The following DLG2 variants were observed in gnomAD, a reference collection of about 807,000 sequenced individuals.
DLG2 encodes disks large homolog 2.
A neutral mutation model predicts 132.5 loss-of-function variants in DLG2; 45 were observed. The ratio of observed to expected loss-of-function variants is 0.34; its 90% CI spans 0.27 to 0.44. The LOEUF is 0.44. DLG2 is among the 20% of genes least tolerant of loss of function. The pLI is 1.00. For synonymous variants in DLG2, 424 were observed against 419.6 expected (o/e 1.01, Z -0.13); for missense variants, 1,045 against 1,196.9 (o/e 0.87, Z 1.87).
Position 84,365,427 on chromosome 11 carries a change from G to A in DLG2, c.520-114136C>T, listed in dbSNP as rs189094373. ...TTTTTTTTTAATTAGTCTTGCTAGC[G>A]GTCTATCAATTTTGTTGATCTTTTC... is the stretch of plus-strand genomic sequence containing the variant. On this transcript the variant is annotated intron_variant, in intron 7 of 27. Coordinates refer to ENST00000376104, the MANE Select transcript of DLG2 (RefSeq NM_001142699.3). Among the ~76,000 whole-genome samples the A allele has an allele frequency of 8.6e-3, 1,299 of 151,456 alleles. 38 individuals are homozygous for A. The highest frequency in any genetic ancestry group is 0.061 in the Admixed American group (932 of 15,182).
At chr11:84,320,760 C>G (rs896312613) in intron 7 of DLG2, among the ~76,000 whole-genome samples, 2 of 152,054 alleles carry the variant, frequency 1.3e-5, no homozygotes, top group East Asian at 1.9e-4. Flanking sequence ...AAGATTTAAC[C>G]AAAACAGAGG....
intron 18 of DLG2, among the ~76,000 whole-genome samples, chr11:83,737,022 T>C (rs909464521): frequency 3.3e-5 from 5 of 152,192 alleles, no homozygotes; most frequent in African/African-American, 7.2e-5. Flanking sequence ...AAATAAACTA[T>C]GTATACAAAA....
rs1426474448 is a variant in DLG2 at position 85,121,638 on chromosome 11, T to C, written c.283-9903A>G. 1.3e-5 allele frequency among the ~76,000 whole-genome samples: 2 copies of C among 152,060 alleles called. 1 individual carries two copies. Among genetic ancestry groups the C allele is most frequent in the Admixed American group, 1.3e-4 (2 of 15,262 alleles). ...TATCATAGATGTGATTCAATTGCCATTTTCCAGGTGTATATAAGGAATTTT... is the reference window on the plus strand; with the variant it reads ...TATCATAGATGTGATTCAATTGCCACTTTCCAGGTGTATATAAGGAATTTT... On this transcript the variant is annotated intron_variant, in intron 5 of 27. Transcript: ENST00000376104.
chr11:83,713,746 A>G (rs1440657556), intron 18 of DLG2, among the ~76,000 whole-genome samples: 1 of 152,246 alleles, frequency 6.6e-6, no homozygotes, highest in African/African-American at 2.4e-5. Context: ...CTCTCTTCAC[A>G]CTACTGCACT....
chr11:83,648,365 G>A (rs2068903763), intron 18 of DLG2, among the ~76,000 whole-genome samples: 3 of 152,056 alleles, frequency 2.0e-5, no homozygotes. Flanking sequence ...AGAGAAAAGG[G>A]AGCAGCTACA....
chr11:85,330,912 G>A (rs2152839299), intron 3 of DLG2, among the ~76,000 whole-genome samples: 1 of 151,374 alleles, frequency 6.6e-6, no homozygotes, highest in South Asian at 2.1e-4. Context: ...TTCCCACAAT[G>A]TGGAAAGTGA....
At chr11:85,321,086 T>G (rs1481139893) in intron 3 of DLG2, among the ~76,000 whole-genome samples, 1 of 151,800 alleles carries the variant, frequency 6.6e-6, no homozygotes, top group Non-Finnish European at 1.5e-5. Context: ...GCACTCTAGG[T>G]AAGAGATGAT....
At chr11:84,448,710 A>C (rs532598012) in intron 7 of DLG2, among the ~76,000 whole-genome samples, 9 of 152,212 alleles carry the variant, frequency 5.9e-5, no homozygotes, top group South Asian at 2.1e-4. Flanking sequence ...TACTTTGTAC[A>C]TAACTCAGAT....
intron 6 of DLG2, among the ~76,000 whole-genome samples, chr11:84,849,451 C>A (rs1217914879): frequency 6.6e-6 from 1 of 152,112 alleles, no homozygotes; most frequent in Non-Finnish European, 1.5e-5. Context: ...ACATATACAA[C>A]CTCATCTTTT....
chr11:85,528,149 A>C (rs570935505), intron 3 of DLG2, among the ~76,000 whole-genome samples: 1 of 152,296 alleles, frequency 6.6e-6, no homozygotes, highest in Non-Finnish European at 1.5e-5. Context: ...GTTCACTTTC[A>C]TGACAGTTTC....
At chr11:85,358,639 T>C (rs1234991430) in intron 3 of DLG2, among the ~76,000 whole-genome samples, 1 of 152,232 alleles carries the variant, frequency 6.6e-6, no homozygotes, top group Non-Finnish European at 1.5e-5. Context: ...CTTGCAGTGT[T>C]CCAAATTGCT....
intron 6 of DLG2, among the ~76,000 whole-genome samples, chr11:84,694,940 A>G (rs1185493822): frequency 6.6e-6 from 1 of 151,604 alleles, no homozygotes; most frequent in Non-Finnish European, 1.5e-5. Flanking sequence ...GCAATTTATT[A>G]ACAGTTAACA....
chr11:85,611,474 G>A (rs1322862592), intron 2 of DLG2, among the ~76,000 whole-genome samples: 3 of 152,188 alleles, frequency 2.0e-5, no homozygotes, highest in Non-Finnish European at 4.4e-5. Flanking sequence ...CCAAACTTAT[G>A]CCGCCCGAGA....
At chr11:83,710,786 C>A (rs1050309754) in intron 18 of DLG2, among the ~76,000 whole-genome samples, 1 of 151,684 alleles carries the variant, frequency 6.6e-6, no homozygotes, top group African/African-American at 2.4e-5. Context: ...TTTCTAGTAG[C>A]GAGAAGAAGC....
chr11:84,312,996 G>C (rs1227625140), intron 7 of DLG2, among the ~76,000 whole-genome samples: 2 of 151,804 alleles, frequency 1.3e-5, no homozygotes, highest in African/African-American at 4.8e-5. Flanking sequence ...ATTTTTAGTA[G>C]AGACGGGGCT....
chr11:85,525,351 G>A (rs1445435801), intron 3 of DLG2, among the ~76,000 whole-genome samples: 1 of 152,110 alleles, frequency 6.6e-6, no homozygotes, highest in Non-Finnish European at 1.5e-5. Flanking sequence ...CTTTCCCAGT[G>A]AGGTCAGGAA....
At chr11:85,182,763 C>A (rs2079806507) in intron 4 of DLG2, among the ~76,000 whole-genome samples, 2 of 150,028 alleles carry the variant, frequency 1.3e-5, no homozygotes, top group South Asian at 2.1e-4. Context: ...AAATTACTAG[C>A]AAAGTAAAAA....
chr11:84,093,325 C>T (rs12270889), intron 10 of DLG2, among the ~76,000 whole-genome samples: 3 of 152,154 alleles, frequency 2.0e-5, no homozygotes, highest in African/African-American at 7.2e-5. Context: ...GGCTGTCAGC[C>T]TGGGGGCCTC....
intron 7 of DLG2, among the ~76,000 whole-genome samples, chr11:84,323,492 C>T (rs2098415685): frequency 6.6e-6 from 1 of 152,094 alleles, no homozygotes; most frequent in South Asian, 2.1e-4. Flanking sequence ...GAATAATGCT[C>T]AATGAACATG....
Sources: allele counts gnomAD v4.1 joint callset (sites outside exome capture counted in the v4.1 genomes callset), GRCh38; gene constraint gnomAD v4.1.1; transcripts MANE v1.5; gene names NCBI Gene and HGNC (gene_info 2026-07-23, HGNC 2026-07-21).